C12orf54: variants seen among roughly 807,000 people sequenced by gnomAD.
C12orf54 encodes chromosome 12 open reading frame 54.
Under a neutral mutation model 26.4 loss-of-function variants are expected in C12orf54, and 24 were observed. The ratio of observed to expected loss-of-function variants is 0.91; its 90% confidence interval spans 0.66 to 1.28. The LOEUF is 1.28. Ranked by LOEUF, C12orf54 falls within the 50% of genes most tolerant of loss-of-function variation. C12orf54 has a pLI of 0.00. For missense variants in C12orf54, 154 were observed against 150.9 expected, an observed-to-expected ratio of 1.02 and a Z score of -0.11; for synonymous variants, 54 against 47.0, an observed-to-expected ratio of 1.15 and a Z score of -0.61.
the C12orf54 span, among the ~76,000 whole-genome samples, chr12:48,433,248 A>G: frequency 1.3e-5 from 2 of 152,202 alleles, no homozygotes; most frequent in African/African-American, 4.8e-5. Context: ...CCACGGCTAC[A>G]GTGCTTGTGC....
In C12orf54 at chr12:48,492,932, C is replaced by T. The variant is rs1937822919; in HGVS notation, c.194-15C>T. On this transcript the variant is annotated splice_polypyrimidine_tract_variant and intron_variant, in intron 6 of 8. Transcript: ENST00000548364. ...GCCCCTGTAACAGAATGACTCTTCT[C>T]TGTGTCCACTTTAGGGATGAGCAAC... is the stretch of plus-strand genomic sequence containing the variant. The T allele has an allele frequency of 6.2e-7, 1 of 1,612,918 alleles. No homozygotes were observed. The highest frequency in any genetic ancestry group is 1.3e-5 in the African/African-American group (1 of 74,890).
upstream of C12orf54, among the ~76,000 whole-genome samples, chr12:48,477,752 T>C (rs942420944): frequency 6.6e-6 from 1 of 152,104 alleles, no homozygotes; most frequent in Non-Finnish European, 1.5e-5. Flanking sequence ...GAGGCAATAA[T>C]CAATAGCTTA....
the C12orf54 span, among the ~76,000 whole-genome samples, chr12:48,470,737 G>A: frequency 6.6e-6 from 1 of 151,614 alleles, no homozygotes; most frequent in African/African-American, 2.4e-5. Flanking sequence ...AAAATTCTTT[G>A]CCAAGGTTGA....
At chr12:48,451,784 A>T in the C12orf54 span, among the ~76,000 whole-genome samples, 2 of 152,214 alleles carry the variant, frequency 1.3e-5, no homozygotes, top group Non-Finnish European at 2.9e-5. Context: ...CTAAGAAGGG[A>T]AGCAAAGGAC....
At chr12:48,472,668 G>A in the C12orf54 span, 2 of 1,613,994 alleles carry the variant, frequency 1.2e-6, no homozygotes, top group African/African-American at 1.3e-5. Flanking sequence ...GTGAGAGATG[G>A]AGATGGGCAA....
At chr12:48,495,121 G>T in intron 8 of C12orf54, 142 bp downstream of exon 8, 1 of 609,660 alleles carries the variant, frequency 1.6e-6, no homozygotes, top group Non-Finnish European at 2.8e-6. Context: ...GGGCAATAGG[G>T]TGAGAGGGTG....
At chr12:48,460,358 A>G in the C12orf54 span, among the ~76,000 whole-genome samples, 2 of 152,138 alleles carry the variant, frequency 1.3e-5, no homozygotes, top group African/African-American at 4.8e-5. Context: ...GTAAAATGAA[A>G]CTTTGGAAAT....
At chr12:48,472,995 A>C in the C12orf54 span, 16 of 1,614,040 alleles carry the variant, frequency 9.9e-6, no homozygotes, top group Non-Finnish European at 1.4e-5. Context: ...GCCCCTGAAA[A>C]AGTTAGAAAA....
the C12orf54 span, among the ~76,000 whole-genome samples, chr12:48,424,110 G>A: frequency 6.6e-6 from 1 of 152,000 alleles, no homozygotes; most frequent in Non-Finnish European, 1.5e-5. Context: ...ATGATCATAT[G>A]CTTTTCTTTT....
the C12orf54 span, among the ~76,000 whole-genome samples, chr12:48,422,013 T>C: frequency 6.6e-6 from 1 of 152,088 alleles, no homozygotes; most frequent in Non-Finnish European, 1.5e-5. Flanking sequence ...AAAGAGAATT[T>C]TGTAATGCGG....
Position 48,494,924 on chromosome 12 carries a change from C to G in C12orf54, c.369C>G (p.Tyr123Ter). The G allele has an allele frequency of 6.2e-7, 1 of 1,613,394 alleles. No homozygotes were observed. Among genetic ancestry groups the G allele is most frequent in the Non-Finnish European group, 8.5e-7 (1 of 1,179,312 alleles). Residue 123 changes from tyrosine (Y) to a stop codon, truncating the protein, a stop_gained, in exon 8 of 9, where the codon TAC becomes TAG. Coordinates refer to ENST00000548364, the MANE Select transcript of C12orf54 (RefSeq NM_152319.4). LOFTEE classifies it high-confidence loss of function. Reference protein sequence around the residue: ...LKTQLFSQSAYYPGP With the variant: ...LKTQLFSQSA ...CACAGCTCTTCAGTCAATCAGCTTACTACCCTGGACCCTAACTCTACAATC... is the reference window on the plus strand; with the variant it reads ...CACAGCTCTTCAGTCAATCAGCTTAGTACCCTGGACCCTAACTCTACAATC...
At chr12:48,487,189 G>T (rs1937668615) in intron 4 of C12orf54, among the ~76,000 whole-genome samples, 1 of 152,124 alleles carries the variant, frequency 6.6e-6, no homozygotes, top group Non-Finnish European at 1.5e-5. Context: ...ACATTTACTT[G>T]GAGTTTCTAA....
chr12:48,474,602 A>T, the C12orf54 span, among the ~76,000 whole-genome samples: 12 of 152,356 alleles, frequency 7.9e-5, no homozygotes, highest in Non-Finnish European at 1.5e-4. Flanking sequence ...TATCCCACAC[A>T]TGGCTCGGAG....
the C12orf54 span, among the ~76,000 whole-genome samples, chr12:48,448,950 G>C: frequency 6.6e-6 from 1 of 152,192 alleles, no homozygotes; most frequent in African/African-American, 2.4e-5. Context: ...AAATAAATTG[G>C]TTTGGTCCAG....
chr12:48,490,287 G>T (rs948592531), intron 5 of C12orf54, among the ~76,000 whole-genome samples: 1 of 152,194 alleles, frequency 6.6e-6, no homozygotes, highest in Non-Finnish European at 1.5e-5. Context: ...TATGCTGTAT[G>T]CAGGGCATTA....
chr12:48,485,271 G>A (rs1358800404), intron 2 of C12orf54, among the ~76,000 whole-genome samples: 2 of 144,758 alleles, frequency 1.4e-5, no homozygotes, highest in East Asian at 1.9e-4. Context: ...CTGCTGTTTT[G>A]TTTGTTGTTG....
At chr12:48,449,018 C>T in the C12orf54 span, among the ~76,000 whole-genome samples, 1 of 152,088 alleles carries the variant, frequency 6.6e-6, no homozygotes, top group Non-Finnish European at 1.5e-5. Context: ...AGGCTATAGG[C>T]AAATTTAAAC....
chr12:48,417,838 A>T, the C12orf54 span, among the ~76,000 whole-genome samples: 1 of 152,120 alleles, frequency 6.6e-6, no homozygotes, highest in Non-Finnish European at 1.5e-5. Flanking sequence ...TAAGTTCTTT[A>T]GTTTTCTGTT....
chr12:48,473,614 G>C, the C12orf54 span: 1 of 265,122 alleles, frequency 3.8e-6, no homozygotes, highest in Non-Finnish European at 7.4e-6. Flanking sequence ...TATTTTTACT[G>C]CCACTCTTTA....
Sources: gnomAD v4.1 joint callset for allele counts (sites outside exome capture counted in the v4.1 genomes callset) on GRCh38, gnomAD v4.1.1 for gene constraint, MANE v1.5 for transcripts, NCBI Gene and HGNC (gene_info 2026-07-23, HGNC 2026-07-21) for gene names.